Variants in CYTH3 observed in about 807,000 individuals in gnomAD.
CYTH3 encodes the protein cytohesin 3.
In CYTH3, 23 loss-of-function variants were observed where a neutral mutation model predicts 55.1. That is an observed-to-expected ratio of 0.42 (90% CI 0.30 to 0.59). The LOEUF (loss-of-function observed/expected upper bound fraction) is 0.59, where lower values mean the gene tolerates loss of function less well. Among genes scored for constraint, CYTH3 ranks in the 20% least tolerant of loss-of-function variants. The probability of loss-of-function intolerance (pLI) is 0.20; values close to 1 mark genes in which losing one functional copy is unlikely to be tolerated. For synonymous variants in CYTH3, 249 were observed against 194.9 expected (o/e 1.28, Z -2.31); for missense variants, 413 against 524.8 (o/e 0.79, Z 2.08).
At chr7:6,248,297 C>T (rs937812929) in intron 1 of CYTH3, among the ~76,000 whole-genome samples, 8 of 134,334 alleles carry the variant, frequency 6.0e-5, no homozygotes, top group Admixed American at 1.6e-4. Flanking sequence ...TGCTGCTAAA[C>T]GTTGGTGGGT....
chr7:6,223,759 A>C (rs1246189572), intron 1 of CYTH3, among the ~76,000 whole-genome samples: 1 of 144,706 alleles, frequency 6.9e-6, no homozygotes, highest in Non-Finnish European at 1.5e-5. Flanking sequence ...TTATCTGCTG[A>C]CCTTCTCTCC....
intron 4 of CYTH3, among the ~76,000 whole-genome samples, chr7:6,181,392 G>A (rs548934251): frequency 2.2e-3 from 330 of 152,294 alleles, no homozygotes; most frequent in Middle Eastern, 6.8e-3. Flanking sequence ...TGAGTGACAG[G>A]ACAGACAGAA....
intron 1 of CYTH3, among the ~76,000 whole-genome samples, chr7:6,215,195 T>A (rs1007550753): frequency 6.6e-6 from 1 of 152,186 alleles, no homozygotes; most frequent in Non-Finnish European, 1.5e-5. Flanking sequence ...CAGAAAGTTC[T>A]TCCTGATTAT....
intron 1 of CYTH3, among the ~76,000 whole-genome samples, chr7:6,207,715 C>T (rs188712296): frequency 1.2e-4 from 18 of 151,798 alleles, no homozygotes; most frequent in Admixed American, 1.1e-3. Flanking sequence ...TTTGGGAGGT[C>T]GAGGCAGGCA....
chr7:6,259,833 T>TATATATATAATATATATA (rs57061102), intron 1 of CYTH3, among the ~76,000 whole-genome samples: 22 of 15,606 alleles, frequency 1.4e-3, no homozygotes, highest in East Asian at 2.2e-3. Context: ...TATATATATA[T>TATATATATAATATATATA]TTTTTTTTTT....
chr7:6,215,589 C>CAA (rs35017027), intron 1 of CYTH3, among the ~76,000 whole-genome samples: 12 of 61,432 alleles, frequency 2.0e-4, no homozygotes, highest in East Asian at 1.0e-3. Flanking sequence ...GTCTCCATCT[C>CAA]AAAAAAAAAA....
chr7:6,176,975 T>C (rs560447922), intron 5 of CYTH3, among the ~76,000 whole-genome samples: 3 of 152,392 alleles, frequency 2.0e-5, no homozygotes, highest in Non-Finnish European at 2.9e-5. Flanking sequence ...GAGAAGATCA[T>C]GTGGGTTTTG....
intron 6 of CYTH3, among the ~76,000 whole-genome samples, chr7:6,172,513 A>G (rs1431760667): frequency 6.6e-6 from 1 of 151,988 alleles, no homozygotes; most frequent in Non-Finnish European, 1.5e-5. Context: ...GCCCCTCAGG[A>G]CAAAAGCTAA....
At chr7:6,233,709 C>CT (rs1170502707) in intron 1 of CYTH3, among the ~76,000 whole-genome samples, 2 of 151,958 alleles carry the variant, frequency 1.3e-5, no homozygotes, top group East Asian at 3.9e-4. Flanking sequence ...TCAGTCCCAG[C>CT]GTCTACCCTG....
chr7:6,260,671 G>A (rs1351406901), intron 1 of CYTH3, among the ~76,000 whole-genome samples: 1 of 151,994 alleles, frequency 6.6e-6, no homozygotes, highest in African/African-American at 2.4e-5. Context: ...ACAGCTGATC[G>A]ATCACTCCTT....
intron 1 of CYTH3, among the ~76,000 whole-genome samples, chr7:6,267,519 G>C (rs1471262711): frequency 6.6e-6 from 1 of 152,100 alleles, no homozygotes; most frequent in African/African-American, 2.4e-5. Context: ...TTTTTGTTGC[G>C]GTCTTCCCAG....
At chr7:6,227,793 T>C (rs564513204) in intron 1 of CYTH3, among the ~76,000 whole-genome samples, 9 of 152,352 alleles carry the variant, frequency 5.9e-5, no homozygotes, top group Non-Finnish European at 4.4e-5. Flanking sequence ...ATAAACTTTA[T>C]TGAGAATGTT....
At chr7:6,272,218 C>A (rs1477958538) in intron 1 of CYTH3, among the ~76,000 whole-genome samples, 2 of 151,712 alleles carry the variant, frequency 1.3e-5, no homozygotes, top group Non-Finnish European at 2.9e-5. Flanking sequence ...GCGACCCCAG[C>A]CCGCGGCAGC....
chr7:6,199,005 G>T (rs994942807), intron 1 of CYTH3, among the ~76,000 whole-genome samples: 14 of 152,232 alleles, frequency 9.2e-5, no homozygotes, highest in South Asian at 8.3e-4. Flanking sequence ...CAGCACATAC[G>T]GTTTCAACAT....
intron 5 of CYTH3, 112 bp downstream of exon 5, chr7:6,177,711 T>G: frequency 1.3e-6 from 1 of 797,054 alleles, no homozygotes; most frequent in Admixed American, 2.1e-5. Context: ...CCACAGCCCG[T>G]GGCTCTATCA....
intron 2 of CYTH3, among the ~76,000 whole-genome samples, chr7:6,189,071 C>CT (rs1391032507): frequency 6.6e-6 from 1 of 152,206 alleles, no homozygotes; most frequent in African/African-American, 2.4e-5. Context: ...ATGACAATGA[C>CT]TAGAAAGCTT....
chr7:6,234,640 T>C (rs770407237), intron 1 of CYTH3, among the ~76,000 whole-genome samples: 2 of 152,148 alleles, frequency 1.3e-5, no homozygotes, highest in Admixed American at 6.5e-5. Flanking sequence ...CGGTGACCTG[T>C]TGAGCAGCTG....
intron 1 of CYTH3, among the ~76,000 whole-genome samples, chr7:6,210,904 C>G (rs763123058): frequency 2.0e-5 from 3 of 152,196 alleles, no homozygotes; most frequent in Non-Finnish European, 4.4e-5. Context: ...GAGGATTAAT[C>G]TTTTGTAAAA....
At chr7:6,182,093 G>A (rs1489837956) in intron 4 of CYTH3, among the ~76,000 whole-genome samples, 2 of 151,942 alleles carry the variant, frequency 1.3e-5, no homozygotes, top group Non-Finnish European at 2.9e-5. Context: ...TATCGCCCAG[G>A]CTGGAGTGCA....
Sources: allele counts gnomAD v4.1 joint callset (sites outside exome capture counted in the v4.1 genomes callset), GRCh38; gene constraint gnomAD v4.1.1; transcripts MANE v1.5; gene names NCBI Gene and HGNC (gene_info 2026-07-23, HGNC 2026-07-21).